The following SPAST variants were observed in gnomAD, a reference collection of about 807,000 sequenced individuals.
SPAST encodes spastic paraplegia 4 (autosomal dominant; spastin).
In SPAST, 30 loss-of-function variants were observed where a neutral mutation model predicts 76.6. The observed-to-expected ratio is 0.39, with a 90% CI of 0.29 to 0.53. The LOEUF is 0.53. Ranked by LOEUF, SPAST falls within the 20% of genes least tolerant of loss-of-function variation. The pLI, the probability that SPAST is intolerant of heterozygous loss-of-function variation, is 0.68. For synonymous variants in SPAST, 305 were observed against 281.0 expected (o/e 1.09, Z -0.86); for missense variants, 717 against 770.5 (o/e 0.93, Z 0.82).
At chr2:32,142,818 GTGA>G (rs951767164) in intron 13 of SPAST, among the ~76,000 whole-genome samples, 23 of 152,250 alleles carry the variant, frequency 1.5e-4, no homozygotes, top group African/African-American at 5.1e-4. Flanking sequence ...CTGGATTGTG[GTGA>G]TGATTGCACA....
intron 16 of SPAST, among the ~76,000 whole-genome samples, chr2:32,153,424 A>G (rs1004505428): frequency 2.7e-5 from 4 of 150,220 alleles, no homozygotes; most frequent in African/African-American, 7.4e-5. Context: ...CCCAGGTTCA[A>G]GCGATTCTCC....
At chr2:32,127,146 T>G (rs1431213064) in intron 8 of SPAST, 124 bp downstream of exon 8, 7 of 739,554 alleles carry the variant, frequency 9.5e-6, no homozygotes, top group Non-Finnish European at 1.7e-5. Flanking sequence ...TACACTTTTG[T>G]TTTTTTTGTT....
chr2:32,066,835 G>A (rs1176268805), intron 1 of SPAST, among the ~76,000 whole-genome samples: 4 of 151,692 alleles, frequency 2.6e-5, no homozygotes, highest in East Asian at 1.9e-4. Context: ...TTAGCTAGGC[G>A]CAGTGGCAAA....
chr2:32,109,985 T>C (rs900736566), intron 4 of SPAST, among the ~76,000 whole-genome samples: 2 of 144,416 alleles, frequency 1.4e-5, no homozygotes, highest in African/African-American at 2.5e-5. Context: ...TATATAGTTA[T>C]ATATGTATTA....
At chr2:32,110,761 A>ACATAGTATAGTATATATAG (rs1678548267) in intron 4 of SPAST, among the ~76,000 whole-genome samples, 3 of 134,018 alleles carry the variant, frequency 2.2e-5, no homozygotes, top group African/African-American at 8.8e-5. Context: ...AGTATAGTAT[A>ACATAGTATAGTATATATAG]TATAGTATAC....
rs1573140309 is a variant in SPAST at position 32,127,322 on chromosome 2, TG to T, written c.1173+302del. ...TGGCAGAGACAGGATTTCGCCATGT[TG>T]GCCAGGCTGGTGTCGAACTCCTGAC... On this transcript the variant is annotated intron_variant, in intron 8 of 16. Transcript: ENST00000315285. 8.1e-6 allele frequency: 3 copies of T among 371,642 alleles called. No homozygotes were observed. The East Asian group carries it at 1.9e-4, about 23-fold the overall frequency. The allele number at this position is 371,642 out of a possible 1,614,324, so 23.0% of individuals were successfully genotyped here. A position where few individuals can be genotyped will look rare whatever the true frequency, so the allele number is the denominator to read the frequency against.
intron 8 of SPAST, chr2:32,128,046 G>C (rs545659718): frequency 3.8e-6 from 1 of 263,526 alleles, no homozygotes; most frequent in Non-Finnish European, 7.5e-6. Flanking sequence ...CCAAGCTGGA[G>C]TGCAGTGATG....
At position 32,063,898 on chromosome 2, in the gene SPAST, AGGCCTCCGCCCCCTTGCCT is replaced by A. The variant is rs886800078; in HGVS notation, c.72_90del (p.Pro27LeufsTer27). 6.3e-7 allele frequency: 1 copy of A among 1,581,856 alleles called. No individual in the cohort carries two copies. The highest frequency in any genetic ancestry group is 8.6e-7 in the Non-Finnish European group (1 of 1,166,084). On this transcript the variant is annotated frameshift_variant, in exon 1 of 17. Coordinates refer to ENST00000315285, the MANE Select transcript of SPAST (RefSeq NM_014946.4). LOFTEE classifies it high-confidence loss of function. ...CGGCGCCAGCAACCCGGTGCCTCCC[AGGCCTCCGCCCCCTTGCCT>A]GGCCCCCGCCCCTCCCGCCGCCGGG... is the stretch of plus-strand genomic sequence containing the variant.
At chr2:32,101,661 A>C (rs1678130970) in intron 4 of SPAST, among the ~76,000 whole-genome samples, 1 of 152,194 alleles carries the variant, frequency 6.6e-6, no homozygotes, top group African/African-American at 2.4e-5. Context: ...ATAAGGTGTA[A>C]GGAAGGGATC....
intron 7 of SPAST, among the ~76,000 whole-genome samples, chr2:32,118,534 A>G (rs1678917588): frequency 6.6e-6 from 1 of 152,190 alleles, no homozygotes; most frequent in African/African-American, 2.4e-5. Context: ...GGAGTTATAT[A>G]AGATTAGTAA....
intron 14 of SPAST, 102 bp downstream of exon 14, chr2:32,143,517 T>C: frequency 1.3e-6 from 1 of 745,032 alleles, no homozygotes. Flanking sequence ...AAATGAGTAA[T>C]TCATTGATCA....
At chr2:32,134,361 G>T (rs926460034) in intron 9 of SPAST, among the ~76,000 whole-genome samples, 1 of 152,038 alleles carries the variant, frequency 6.6e-6, no homozygotes, top group African/African-American at 2.4e-5. Flanking sequence ...AATTAGCGGG[G>T]TGTGGTGGCA....
intron 3 of SPAST, among the ~76,000 whole-genome samples, chr2:32,092,552 TTAG>T (rs1019721707): frequency 4.6e-5 from 7 of 152,202 alleles, no homozygotes; most frequent in African/African-American, 1.7e-4. Flanking sequence ...CTTATTTGTG[TTAG>T]TAGAGGAGAG....
chr2:32,093,668 C>T (rs1450131433), intron 3 of SPAST, among the ~76,000 whole-genome samples: 2 of 152,126 alleles, frequency 1.3e-5, no homozygotes, highest in Non-Finnish European at 2.9e-5. Flanking sequence ...GGATCCTTGT[C>T]TATATCCCAA....
chr2:32,097,787 C>T (rs1027759083), intron 3 of SPAST, among the ~76,000 whole-genome samples: 2 of 151,680 alleles, frequency 1.3e-5, no homozygotes, highest in Admixed American at 6.6e-5. Flanking sequence ...TCCACCTCCC[C>T]GGTTTAAGCC....
intron 1 of SPAST, among the ~76,000 whole-genome samples, chr2:32,075,146 GGC>G (rs1471552188): frequency 6.6e-6 from 1 of 151,968 alleles, no homozygotes; most frequent in African/African-American, 2.4e-5. Context: ...ATATAGGCCG[GGC>G]GTGGTGGCTC....
chr2:32,150,513 C>T (rs1354291832), intron 16 of SPAST, among the ~76,000 whole-genome samples: 1 of 151,902 alleles, frequency 6.6e-6, no homozygotes, highest in Non-Finnish European at 1.5e-5. Context: ...TCATGGCTCA[C>T]TGCACCCTCT....
At chr2:32,125,944 G>A (rs558940073) in intron 7 of SPAST, among the ~76,000 whole-genome samples, 70 of 152,134 alleles carry the variant, frequency 4.6e-4, no homozygotes, top group African/African-American at 6.7e-4. Context: ...ACAGGCACCC[G>A]CCACCACGCC....
intron 12 of SPAST, among the ~76,000 whole-genome samples, chr2:32,141,417 T>C (rs1042774526): frequency 2.6e-5 from 4 of 152,236 alleles, no homozygotes; most frequent in African/African-American, 9.6e-5. Flanking sequence ...CTATCTCTTT[T>C]TGGGAGGAAA....
Sources: allele counts gnomAD v4.1 joint callset (sites outside exome capture counted in the v4.1 genomes callset), GRCh38; gene constraint gnomAD v4.1.1; transcripts MANE v1.5; gene names NCBI Gene and HGNC (gene_info 2026-07-23, HGNC 2026-07-21).